The following MAPK6 variants were observed in gnomAD, a reference collection of about 807,000 sequenced individuals.
MAPK6 encodes the protein mitogen-activated protein kinase 6.
A neutral mutation model predicts 59.3 loss-of-function variants in MAPK6; 19 were observed. That is an observed-to-expected ratio of 0.32 (90% CI 0.22 to 0.47). The LOEUF (loss-of-function observed/expected upper bound fraction) is 0.47, where lower values mean the gene tolerates loss of function less well. Among genes scored for constraint, MAPK6 ranks in the 20% least tolerant of loss-of-function variants. The probability of loss-of-function intolerance (pLI) is 1.00; values close to 1 mark genes in which losing one functional copy is unlikely to be tolerated. For missense variants in MAPK6, 724 were observed against 847.9 expected (o/e 0.85, Z 1.81); for synonymous variants, 316 against 290.3 (o/e 1.09, Z -0.90).
Position 51,982,657 on chromosome 15 carries a change from T to C in MAPK6, c.-879-549T>C, listed in dbSNP as rs562512750. Among the ~76,000 whole-genome samples the C allele has an allele frequency of 7.9e-5, 12 of 152,312 alleles. No individual in the cohort carries two copies. The South Asian group carries it at 2.5e-3, about 32-fold the overall frequency. On this transcript the variant is annotated intron_variant, in intron 1 of 7. Transcript: ENST00000691380. ...CACTTCTTATGATAAAATGAGGCAGTGTTTTTTCGTGTTTTTCCCAAGTAA... is the reference window on the plus strand; with the variant it reads ...CACTTCTTATGATAAAATGAGGCAGCGTTTTTTCGTGTTTTTCCCAAGTAA...
rs541331467 is a variant in MAPK6, at chr15:51,980,736, G to T, written c.-879-2470G>T. Among the ~76,000 whole-genome samples, 4 of 150,910 alleles carry T rather than the reference G, an allele frequency of 2.7e-5. No individual in the cohort carries two copies. In the East Asian group the frequency reaches 7.8e-4, roughly 29 times the overall value. On this transcript the variant is annotated intron_variant, in intron 1 of 7. Coordinates refer to the MAPK6 transcript ENST00000691380. ...CTCCCCAGTAGCTGGGACTACAGGCGCATACCACCACGCCCAGCTAAATTT... is the reference window on the plus strand; with the variant it reads ...CTCCCCAGTAGCTGGGACTACAGGCTCATACCACCACGCCCAGCTAAATTT...
rs762112281 is a variant in MAPK6, at chr15:52,065,013, A to C, written c.*13A>C. 20 of 1,574,336 alleles carry C rather than the reference A, an allele frequency of 1.3e-5. No individual in the cohort carries two copies. Among genetic ancestry groups the C allele is most frequent in the South Asian group, 8.2e-5 (7 of 85,428 alleles). ...ACATCTGAACTAAAACACTCAGCAGACATTTATCTTTGTATTCTTCATGAA... is the reference window on the plus strand; with the variant it reads ...ACATCTGAACTAAAACACTCAGCAGCCATTTATCTTTGTATTCTTCATGAA... On this transcript the variant is annotated 3_prime_UTR_variant, in exon 6 of 6. Transcript: ENST00000261845.
chr15:51,998,728 C>T (rs1415672601), intron 2 of MAPK6, among the ~76,000 whole-genome samples: 3 of 43,410 alleles, frequency 6.9e-5, no homozygotes, highest in Non-Finnish European at 1.5e-4. Context: ...TCTCGCTCTG[C>T]CGCCCAGGCT....
chr15:52,001,512 T>TTC (rs2057241845), intron 2 of MAPK6, among the ~76,000 whole-genome samples: 1 of 148,840 alleles, frequency 6.7e-6, no homozygotes, highest in Admixed American at 6.7e-5. Flanking sequence ...TTCCTTTCTT[T>TTC]TTTTTTTTTT....
At chr15:51,986,277 C>T (rs1293795068) in intron 2 of MAPK6, among the ~76,000 whole-genome samples, 3 of 152,170 alleles carry the variant, frequency 2.0e-5, no homozygotes, top group South Asian at 2.1e-4. Flanking sequence ...ATCAGGTCCC[C>T]GCCAACATTG....
intron 3 of MAPK6, among the ~76,000 whole-genome samples, chr15:52,058,142 CCTTT>C (rs1466386560): frequency 6.8e-6 from 1 of 147,126 alleles, no homozygotes; most frequent in African/African-American, 2.7e-5. Flanking sequence ...AAAGTTTCCC[CCTTT>C]ATTTCTTTCA....
At chr15:52,027,449 T>C (rs944640833) in intron 1 of MAPK6, among the ~76,000 whole-genome samples, 19 of 150,758 alleles carry the variant, frequency 1.3e-4, no homozygotes, top group Non-Finnish European at 2.4e-4. Flanking sequence ...TATAGCCCTC[T>C]GTAATTGAGT....
chr15:51,973,579 C>T (rs957172620), intron 1 of MAPK6, among the ~76,000 whole-genome samples: 2 of 151,844 alleles, frequency 1.3e-5, no homozygotes, highest in Non-Finnish European at 2.9e-5. Context: ...TCAGAATAAA[C>T]GTGTTTTTCC....
chr15:52,053,966 T>G (rs188139956), intron 3 of MAPK6, among the ~76,000 whole-genome samples: 4 of 151,990 alleles, frequency 2.6e-5, no homozygotes, highest in African/African-American at 9.6e-5. Flanking sequence ...TGAAGTCCAG[T>G]TACCTTTTTC....
rs866676515 is a variant in MAPK6, at chr15:52,019,759, C to G, written c.-632+383C>G. On this transcript the variant is annotated intron_variant, in intron 1 of 5. Coordinates refer to ENST00000261845, the MANE Select transcript of MAPK6 (RefSeq NM_002748.4). Reference sequence around the variant, plus strand: ...GCCTGCTGCCGTCCCGCCGCCTGCGCCTGGCTCCGCGGGTTCGAAACCCAG... The same window carrying G: ...GCCTGCTGCCGTCCCGCCGCCTGCGGCTGGCTCCGCGGGTTCGAAACCCAG... Among the ~76,000 whole-genome samples the G allele has an allele frequency of 2.0e-5, 3 of 151,934 alleles. No individual in the cohort carries two copies. In the East Asian group the frequency reaches 5.8e-4, roughly 29 times the overall value.
chr15:51,990,590 C>T (rs371004475), intron 2 of MAPK6, among the ~76,000 whole-genome samples: 10 of 152,094 alleles, frequency 6.6e-5, no homozygotes, highest in African/African-American at 1.4e-4. Context: ...CCGAGGCAGG[C>T]GGATCACCTG....
chr15:52,009,180 T>C (rs901228917), intron 3 of MAPK6, among the ~76,000 whole-genome samples: 1 of 152,190 alleles, frequency 6.6e-6, no homozygotes, highest in African/African-American at 2.4e-5. Context: ...CTGCTTTGTC[T>C]CCACAACTCA....
At chr15:52,040,513 C>T (rs2031382052) in intron 1 of MAPK6, among the ~76,000 whole-genome samples, 1 of 151,942 alleles carries the variant, frequency 6.6e-6, no homozygotes, top group African/African-American at 2.4e-5. Flanking sequence ...GTTTATGGCC[C>T]TTACTTCAAA....
chr15:52,044,548 A>G (rs2031539497), intron 1 of MAPK6, among the ~76,000 whole-genome samples: 1 of 152,114 alleles, frequency 6.6e-6, no homozygotes, highest in African/African-American at 2.4e-5. Context: ...TTTGTTAGGA[A>G]TTCTGACCAC....
intron 1 of MAPK6, among the ~76,000 whole-genome samples, chr15:52,033,111 C>T (rs919753967): frequency 6.6e-6 from 1 of 152,214 alleles, no homozygotes; most frequent in African/African-American, 2.4e-5. Flanking sequence ...CACCTGGCAT[C>T]TTTCTACTTT....
chr15:52,055,194 G>A (rs568973046), intron 3 of MAPK6, among the ~76,000 whole-genome samples: 1 of 152,312 alleles, frequency 6.6e-6, no homozygotes, highest in African/African-American at 2.4e-5. Context: ...GATCACTTGA[G>A]CCCAGGAGTT....
chr15:52,046,263 G>T lies in MAPK6; in HGVS notation c.-198G>T. The T allele has an allele frequency of 1.9e-6, 1 of 529,682 alleles. No individual in the cohort carries two copies. The highest frequency in any genetic ancestry group is 3.3e-6 in the Non-Finnish European group (1 of 301,700). 32.8% of individuals were successfully genotyped at this position (529,682 alleles called of 1,614,324 possible). ...CTTTTTAATTCTCAATATGAATAGA[G>T]CTTTTTGAGCTTTAAATCTAAGGGG... On this transcript the variant is annotated 5_prime_UTR_variant, in exon 2 of 6. Transcript: ENST00000261845.
At chr15:52,003,652 C>T (rs928716729) in intron 2 of MAPK6, among the ~76,000 whole-genome samples, 8 of 152,138 alleles carry the variant, frequency 5.3e-5, no homozygotes, top group African/African-American at 9.7e-5. Context: ...ATGCTATGTG[C>T]GCAACTTTTC....
intron 1 of MAPK6, among the ~76,000 whole-genome samples, chr15:52,020,412 C>T (rs2030479946): frequency 6.7e-6 from 1 of 149,968 alleles, no homozygotes; most frequent in Non-Finnish European, 1.5e-5. Flanking sequence ...CTTGTATTAA[C>T]GGCAGAATTC....
Sources: gnomAD v4.1 joint callset for allele counts (sites outside exome capture counted in the v4.1 genomes callset) on GRCh38, gnomAD v4.1.1 for gene constraint, MANE v1.5 for transcripts, NCBI Gene and HGNC (gene_info 2026-07-23, HGNC 2026-07-21) for gene names.